The following PTPRG variants were observed in gnomAD, a reference collection of about 807,000 sequenced individuals.
PTPRG encodes protein tyrosine phosphatase receptor type G.
A neutral mutation model predicts 165.3 loss-of-function variants in PTPRG; 102 were observed. That is an observed-to-expected ratio of 0.62 (90% CI 0.53 to 0.73). PTPRG has a LOEUF of 0.73. PTPRG is among the 30% of genes least tolerant of loss of function. The probability of loss-of-function intolerance (pLI) is 0.00; values close to 1 mark genes in which losing one functional copy is unlikely to be tolerated. For missense variants in PTPRG, 1,866 were observed against 1,861.4 expected (o/e 1.00, Z -0.05); for synonymous variants, 675 against 669.5 (o/e 1.01, Z -0.13).
chr3:62,039,326 T>C (rs567676108), intron 4 of PTPRG, among the ~76,000 whole-genome samples: 1 of 152,000 alleles, frequency 6.6e-6, no homozygotes, highest in South Asian at 2.1e-4. Context: ...TATATACAAC[T>C]TAAGTTAAAA....
At chr3:62,051,381 A>T (rs187753685) in intron 4 of PTPRG, among the ~76,000 whole-genome samples, 1 of 152,306 alleles carries the variant, frequency 6.6e-6, no homozygotes, top group Admixed American at 6.5e-5. Flanking sequence ...CAAGCCTCCC[A>T]GTGACATGAT....
chr3:61,749,439 C>A lies in PTPRG; in HGVS notation c.190+457C>A, dbSNP rs576078800. The A allele has an allele frequency of 2.5e-4, 69 of 278,138 alleles. 2 individuals are homozygous for A. The highest frequency in any genetic ancestry group is 2.1e-3 in the South Asian group (67 of 31,256). 17.2% of individuals were successfully genotyped at this position (278,138 alleles called of 1,614,324 possible). A position where few individuals can be genotyped will look rare whatever the true frequency, so the allele number is the denominator to read the frequency against. On this transcript the variant is annotated intron_variant, in intron 2 of 29. Transcript: ENST00000474889. ...CTTTATTTTTAAATCACATCTTGTT[C>A]TTTGAATATATTTTAGCTGTCTACT...
chr3:61,970,853 T>C (rs1322636500), intron 2 of PTPRG, among the ~76,000 whole-genome samples: 4 of 152,220 alleles, frequency 2.6e-5, no homozygotes, highest in Non-Finnish European at 4.4e-5. Flanking sequence ...CTGCCACTTA[T>C]TCCTGACACC....
Position 61,939,223 on chromosome 3 carries a change from A to C in PTPRG, c.191-50402A>C, listed in dbSNP as rs1226557008. ...AAATAAAACACTGTTTTCTGATAGAAAGCAGCCCTATATTTACTCACACGA... is the reference window on the plus strand; with the variant it reads ...AAATAAAACACTGTTTTCTGATAGACAGCAGCCCTATATTTACTCACACGA... On this transcript the variant is annotated intron_variant, in intron 2 of 29. Transcript: ENST00000474889. 2.0e-5 allele frequency among the ~76,000 whole-genome samples: 3 copies of C among 152,320 alleles called. No homozygotes were observed. In the South Asian group the frequency reaches 6.2e-4, roughly 32 times the overall value.
At chr3:61,567,802 G>C (rs1296781235) in intron 1 of PTPRG, among the ~76,000 whole-genome samples, 1 of 151,868 alleles carries the variant, frequency 6.6e-6, no homozygotes, top group East Asian at 1.9e-4. Context: ...TGTGCAACAT[G>C]GTGAGACCTC....
At chr3:61,987,554 T>C (rs2040790793) in intron 2 of PTPRG, among the ~76,000 whole-genome samples, 1 of 152,222 alleles carries the variant, frequency 6.6e-6, no homozygotes, top group Admixed American at 6.5e-5. Flanking sequence ...TTTGGATTTA[T>C]TTTACTGTGT....
Position 61,839,125 on chromosome 3 carries a change from A to G in PTPRG, c.190+90143A>G, listed in dbSNP as rs1575708890. 2.0e-5 allele frequency among the ~76,000 whole-genome samples: 3 copies of G among 152,330 alleles called. No individual in the cohort carries two copies. In the South Asian group the frequency reaches 6.2e-4, roughly 32 times the overall value. ...AGGCATATATCCTTTAAGATAATAGATAAACTTTCAATTAGGGGCTTTAAA... is the reference window on the plus strand; with the variant it reads ...AGGCATATATCCTTTAAGATAATAGGTAAACTTTCAATTAGGGGCTTTAAA... On this transcript the variant is annotated intron_variant, in intron 2 of 29. Transcript: ENST00000474889.
In PTPRG at chr3:61,697,286, CG is replaced by C. The variant is rs201274812; in HGVS notation, c.86-51590del. Among the ~76,000 whole-genome samples the C allele has an allele frequency of 2.7e-3, 418 of 152,206 alleles. 1 individual carries two copies. Among genetic ancestry groups the C allele is most frequent in the African/African-American group, 9.4e-3 (391 of 41,526 alleles). ...AACAATACTCCGAAGTCTCATACTT[CG>C]GCATGCTGAGTACTTTTGAATTAAA... On this transcript the variant is annotated intron_variant, in intron 1 of 29. Transcript: ENST00000474889.
intron 25 of PTPRG, among the ~76,000 whole-genome samples, 159 bp from the exon 26 acceptor site, chr3:62,277,392 G>A (rs1039581397): frequency 3.9e-5 from 6 of 152,160 alleles, no homozygotes; most frequent in African/African-American, 1.4e-4. Context: ...AGTGCTAGCA[G>A]AAGTACATCT....
intron 5 of PTPRG, among the ~76,000 whole-genome samples, chr3:62,096,512 G>T (rs1702125673): frequency 6.6e-6 from 1 of 152,128 alleles, no homozygotes; most frequent in South Asian, 2.1e-4. Context: ...ATTTTGGAGA[G>T]CTGGACAAGG....
rs116728634 is a variant in PTPRG at position 62,093,588 on chromosome 3, C to T, written c.615+15330C>T. Among the ~76,000 whole-genome samples, 250 of 152,246 alleles carry T rather than the reference C, an allele frequency of 1.6e-3. 2 individuals are homozygous for T. The highest frequency in any genetic ancestry group is 5.7e-3 in the African/African-American group (235 of 41,546). On this transcript the variant is annotated intron_variant, in intron 5 of 29. Transcript: ENST00000474889. ...GGAGGATATGACTGGCACCAGAGGA[C>T]GGTATACGTTTTCATGCTTCCTCCC...
intron 2 of PTPRG, among the ~76,000 whole-genome samples, chr3:61,792,387 C>A (rs891452155): frequency 4.6e-5 from 7 of 151,966 alleles, no homozygotes; most frequent in Non-Finnish European, 1.0e-4. Context: ...CCATGCCCAG[C>A]TAATATTTTT....
chr3:61,693,183 A>G (rs2030331086), intron 1 of PTPRG, among the ~76,000 whole-genome samples: 2 of 152,240 alleles, frequency 1.3e-5, no homozygotes, highest in Non-Finnish European at 2.9e-5. Context: ...AGGTACAACT[A>G]TTTAGCGAGA....
chr3:62,267,921 T>TA (rs1041730101), intron 19 of PTPRG, 102 bp downstream of exon 19: 1 of 1,350,072 alleles, frequency 7.4e-7, no homozygotes, highest in African/African-American at 1.5e-5. Context: ...TATAAAGAGT[T>TA]ACGGAAATGA....
intron 1 of PTPRG, among the ~76,000 whole-genome samples, chr3:61,627,307 G>A (rs1009759407): frequency 6.6e-6 from 1 of 152,134 alleles, no homozygotes; most frequent in Non-Finnish European, 1.5e-5. Flanking sequence ...TTGGAGTAAG[G>A]TGTGATTTGG....
chr3:61,848,198 C>G (rs1002488268), intron 2 of PTPRG, among the ~76,000 whole-genome samples: 22 of 152,334 alleles, frequency 1.4e-4, no homozygotes, highest in African/African-American at 4.8e-4. Context: ...TGAAAAGCCT[C>G]TTAGGCTTGG....
At chr3:62,070,824 C>T (rs1030550472) in intron 4 of PTPRG, among the ~76,000 whole-genome samples, 27 of 152,068 alleles carry the variant, frequency 1.8e-4, no homozygotes, top group African/African-American at 6.3e-4. Context: ...TTGTCCACCA[C>T]CACGTTCCCA....
chr3:62,163,609 A>G (rs1040055247), intron 7 of PTPRG, among the ~76,000 whole-genome samples: 1 of 152,232 alleles, frequency 6.6e-6, no homozygotes, highest in Non-Finnish European at 1.5e-5. Context: ...AAGGAAGGGA[A>G]GGTTGATACA....
At chr3:61,887,979 TAAA>T (rs1438018044) in intron 2 of PTPRG, among the ~76,000 whole-genome samples, 3 of 151,942 alleles carry the variant, frequency 2.0e-5, no homozygotes. Flanking sequence ...TAAGTCCAAG[TAAA>T]AAAACCAAAA....
Sources: allele counts gnomAD v4.1 joint callset (sites outside exome capture counted in the v4.1 genomes callset), GRCh38; gene constraint gnomAD v4.1.1; transcripts MANE v1.5; gene names NCBI Gene and HGNC (gene_info 2026-07-23, HGNC 2026-07-21).